ARID4A: variants seen among roughly 807,000 people sequenced by gnomAD.
ARID4A encodes the protein AT-rich interaction domain 4A, also known as AT-rich interactive domain-containing protein 4A.
In ARID4A, 39 loss-of-function variants were observed where a neutral mutation model predicts 148.6. That is an observed-to-expected ratio of 0.26 (90% confidence interval 0.20 to 0.34). ARID4A has a LOEUF of 0.34. ARID4A is among the 10% of genes least tolerant of loss of function. The pLI is 1.00. For missense variants in ARID4A, 1,265 were observed against 1,449.1 expected, an observed-to-expected ratio of 0.87 and a Z score of 2.06; for synonymous variants, 475 against 481.2, an observed-to-expected ratio of 0.99 and a Z score of 0.17.
At chr14:58,318,128 C>T (rs190263044) in intron 5 of ARID4A, among the ~76,000 whole-genome samples, 3 of 152,048 alleles carry the variant, frequency 2.0e-5, no homozygotes, top group African/African-American at 7.2e-5. Flanking sequence ...ATAGCAATAC[C>T]AGGAGTCAGT....
chr14:58,322,272 T>A (rs934023366), intron 7 of ARID4A, among the ~76,000 whole-genome samples: 2 of 152,078 alleles, frequency 1.3e-5, no homozygotes, highest in Non-Finnish European at 2.9e-5. Flanking sequence ...ACCCAGCCGA[T>A]AATGTATATA....
In ARID4A at chr14:58,365,467, CTTTTTTTTTT is replaced by C. The variant is rs71107938; in HGVS notation, c.3212-38_3212-29del. ...TAGTCTGTTGAATAATATACTTGCT[CTTTTTTTTTT>C]TTTTTTTTTTTTCAACATTCTCTCT... On this transcript the variant is annotated intron_variant, in intron 20 of 23. Coordinates refer to ENST00000355431, the MANE Select transcript of ARID4A (RefSeq NM_002892.4). 62 of 351,542 alleles carry C rather than the reference CTTTTTTTTTT, an allele frequency of 1.8e-4. 1 individual carries two copies. In the Middle Eastern group the frequency reaches 5.2e-3, roughly 30 times the overall value. 21.8% of individuals were successfully genotyped at this position (351,542 alleles called of 1,614,324 possible).
chr14:58,321,586 AT>A (rs1216708571), intron 7 of ARID4A, among the ~76,000 whole-genome samples: 1 of 152,090 alleles, frequency 6.6e-6, no homozygotes, highest in African/African-American at 2.4e-5. Context: ...TCCCTCATTT[AT>A]TTTAGTGGGA....
At chr14:58,353,467 C>T (rs1243879935) in intron 16 of ARID4A, 191 bp from the exon 17 acceptor site, 6 of 551,582 alleles carry the variant, frequency 1.1e-5, no homozygotes, top group African/African-American at 1.9e-5. Context: ...GTACAGTGCA[C>T]CTTTACATAA....
At chr14:58,353,532 C>T in intron 16 of ARID4A, 126 bp from the exon 17 acceptor site, 1 of 776,670 alleles carries the variant, frequency 1.3e-6, no homozygotes. Context: ...CCTTCTTCTC[C>T]TCCTCCACTG....
In ARID4A at chr14:58,364,583, T is replaced by G. The variant is rs182089987; in HGVS notation, c.2494T>G (p.Ser832Ala). 9.2e-5 allele frequency: 149 copies of G among 1,612,978 alleles called. No homozygotes were observed. In the East Asian group the frequency reaches 3.1e-3, roughly 33 times the overall value. ...AGAAGCTCATAGTCTTGAATTGTCT[T>G]CATTAGACAATAAAAACTTTTCTTC... ...HIEAHSLELS[S>A]LDNKNFSSAT... Residue 832 changes from serine (S) to alanine (A), a missense_variant, in exon 20 of 24, where the codon TCA (serine) becomes GCA (alanine). By Grantham distance (99) the Ser-to-Ala change is moderately conservative. This residue lies in a region of ARID4A where 666 missense variants were observed against 730.9 expected (regional missense o/e 0.91). Transcript: ENST00000355431.
At chr14:58,366,854 T>G in intron 22 of ARID4A, 29 bp from the exon 23 acceptor site, 8 of 1,455,624 alleles carry the variant, frequency 5.5e-6, no homozygotes, top group Non-Finnish European at 5.5e-6. Context: ...TATTTTAAAA[T>G]CCAAATTAAC....
chr14:58,353,406 C>G (rs769277619), intron 16 of ARID4A: 4 of 331,612 alleles, frequency 1.2e-5, no homozygotes, highest in Non-Finnish European at 2.2e-5. Flanking sequence ...TATTACAGAT[C>G]ATCGTTAACT....
chr14:58,360,903 T>C lies in ARID4A; in HGVS notation c.1941T>C (p.Asn647=). Reference sequence around the variant, plus strand: ...TACATTTTGTTGTTGTTGCCCAGAATAAAGAAGATAGTGAAAAGGACGAAA... The same window carrying C: ...TACATTTTGTTGTTGTTGCCCAGAACAAAGAAGATAGTGAAAAGGACGAAA... ...PKKKQKKKAK[N]KEDSEKDEKR... is the part of the protein sequence containing the mutation. The change falls in exon 19 of 24, where the codon AAT becomes AAC. Residue 647 remains asparagine, a splice_region_variant and synonymous_variant. Coordinates refer to ENST00000355431, the MANE Select transcript of ARID4A (RefSeq NM_002892.4). 2.5e-6 allele frequency: 4 copies of C among 1,613,834 alleles called. No individual in the cohort carries two copies. Among genetic ancestry groups the C allele is most frequent in the Non-Finnish European group, 3.4e-6 (4 of 1,179,944 alleles).
chr14:58,299,539 T>A (rs2030937425), intron 1 of ARID4A: 1 of 485,288 alleles, frequency 2.1e-6, no homozygotes, highest in Admixed American at 3.3e-5. Flanking sequence ...AGTTGAGCAT[T>A]CCGGGTCAAA....
chr14:58,357,851 A>C (rs1193161083), intron 17 of ARID4A, among the ~76,000 whole-genome samples: 1 of 152,172 alleles, frequency 6.6e-6, no homozygotes, highest in Non-Finnish European at 1.5e-5. Context: ...TAGAAACCTT[A>C]ATTTCTTATT....
At position 58,337,246 on chromosome 14, in the gene ARID4A, T is replaced by TTATATA. The variant is rs57605969; in HGVS notation, c.906+7094_906+7099dup. On this transcript the variant is annotated intron_variant, in intron 11 of 23. Transcript: ENST00000355431. The stretch of plus-strand genomic sequence containing the variant: ...AAATCTCCTAGAACCTTCTCTTTAT[T>TTATATA]TATATATATATATATATATATAATT... Among the ~76,000 whole-genome samples, 354 of 83,820 alleles carry TTATATA rather than the reference T, an allele frequency of 4.2e-3. 32 individuals carry two copies. The highest frequency in any genetic ancestry group is 7.5e-3 in the East Asian group (24 of 3,190). 55.0% of individuals were successfully genotyped at this position (83,820 alleles called of 152,430 possible).
chr14:58,318,063 T>C (rs6573199), intron 5 of ARID4A, among the ~76,000 whole-genome samples: 110,483 of 151,944 alleles, frequency 0.73, 40,699 homozygotes, highest in Middle Eastern at 0.88. Flanking sequence ...ATTTGGCAGC[T>C]GGTACATGTG....
intron 12 of ARID4A, 32 bp downstream of exon 12, chr14:58,344,799 A>G: frequency 6.6e-7 from 1 of 1,508,718 alleles, no homozygotes; most frequent in South Asian, 1.2e-5. Flanking sequence ...TAAAGTAGTC[A>G]TTTCTTTTTC....
intron 3 of ARID4A, 22 bp downstream of exon 3, chr14:58,301,712 T>C (rs757056979): frequency 6.4e-7 from 1 of 1,573,116 alleles, no homozygotes; most frequent in South Asian, 1.1e-5. Flanking sequence ...TTTTATGCAA[T>C]AGTTTTATTA....
At chr14:58,356,720 T>TA (rs1241860311) in intron 17 of ARID4A, among the ~76,000 whole-genome samples, 9 of 150,578 alleles carry the variant, frequency 6.0e-5, no homozygotes, top group African/African-American at 2.2e-4. Context: ...TTTTTTTTTT[T>TA]AAGACGGAGT....
intron 11 of ARID4A, among the ~76,000 whole-genome samples, chr14:58,330,872 A>G (rs1317051357): frequency 5.9e-5 from 9 of 152,210 alleles, no homozygotes; most frequent in Non-Finnish European, 1.3e-4. Context: ...TTATATGAAT[A>G]CTGTTGTTTA....
chr14:58,318,966 C>T (rs893104342), intron 7 of ARID4A, among the ~76,000 whole-genome samples, 161 bp downstream of exon 7: 3 of 152,204 alleles, frequency 2.0e-5, no homozygotes, highest in East Asian at 3.8e-4. Flanking sequence ...CTTAATTATT[C>T]CCAATATTTG....
chr14:58,334,159 C>G (rs537741251), intron 11 of ARID4A, among the ~76,000 whole-genome samples: 1 of 152,198 alleles, frequency 6.6e-6, no homozygotes, highest in African/African-American at 2.4e-5. Context: ...TAGCTACATA[C>G]AGCTATATTT....
Sources: allele counts gnomAD v4.1 joint callset (sites outside exome capture counted in the v4.1 genomes callset), GRCh38; gene constraint gnomAD v4.1.1; regional missense constraint gnomAD v4.1.1; transcripts MANE v1.5; gene names NCBI Gene and HGNC (gene_info 2026-07-23, HGNC 2026-07-21).